DMXL2: variants seen among roughly 807,000 people sequenced by gnomAD.
DMXL2 encodes Dmx like 2.
A neutral mutation model predicts 331.1 loss-of-function variants in DMXL2; 103 were observed. The observed-to-expected ratio is 0.31, with a 90% CI of 0.27 to 0.37. The LOEUF is 0.37. Ranked by LOEUF, DMXL2 falls within the 10% of genes least tolerant of loss-of-function variation. The pLI, the probability that DMXL2 is intolerant of heterozygous loss-of-function variation, is 1.00. For missense variants in DMXL2, 3,171 were observed against 3,642.9 expected (o/e 0.87, Z 3.33); for synonymous variants, 1,281 against 1,252.1 (o/e 1.02, Z -0.49).
At chr15:51,553,009 T>C (rs2049316762) in intron 6 of DMXL2, among the ~76,000 whole-genome samples, 1 of 152,242 alleles carries the variant, frequency 6.6e-6, no homozygotes, top group African/African-American at 2.4e-5. Context: ...AACTTCACAG[T>C]TGTCTCCTTC....
chr15:51,513,628 G>A (rs148326969), intron 15 of DMXL2, among the ~76,000 whole-genome samples: 76 of 152,186 alleles, frequency 5.0e-4, no homozygotes, highest in Non-Finnish European at 9.7e-4. Flanking sequence ...ACATAATTTC[G>A]TGATGAAGAC....
intron 13 of DMXL2, 137 bp downstream of exon 13, chr15:51,535,526 G>A (rs1039578495): frequency 2.1e-5 from 14 of 679,216 alleles, no homozygotes; most frequent in African/African-American, 9.4e-5. Flanking sequence ...AAATAAATGT[G>A]TCATATATAT....
chr15:51,564,712 C>T (rs1034383733), intron 4 of DMXL2, among the ~76,000 whole-genome samples: 10 of 152,020 alleles, frequency 6.6e-5, no homozygotes, highest in African/African-American at 9.7e-5. Context: ...ATTAGAAATT[C>T]CTAATTTTTC....
Position 51,502,963 on chromosome 15 carries a change from A to T in DMXL2, c.2835T>A (p.Ser945=), listed in dbSNP as rs778624147. The change falls in exon 17 of 44, where the codon TCT becomes TCA. Residue 945 remains serine (S), a synonymous_variant. Transcript: ENST00000560891. ...SVPGQKNVDS[S]PETSPSVSPM... is the part of the protein sequence containing the mutation. ...GGCTCACACTAGGAGAGGTTTCTGG[A>T]GAAGAATCTACGTTCTTCTGTCCAG... 1 of 1,614,094 alleles carries T rather than the reference A, an allele frequency of 6.2e-7. No homozygotes were observed. Among genetic ancestry groups the T allele is most frequent in the Non-Finnish European group, 8.5e-7 (1 of 1,179,934 alleles).
rs374431723 is a variant in DMXL2 at position 51,517,070 on chromosome 15, G to T, written c.2526+8C>A. On this transcript the variant is annotated splice_region_variant and intron_variant, in intron 14 of 43. Coordinates refer to ENST00000560891, the MANE Select transcript of DMXL2 (RefSeq NM_001378457.1). ...ACGAATATCACCAATTCACAAGCAT[G>T]TTTTTACTTGGTTGGTTATTGCGTC... The T allele has an allele frequency of 9.4e-5, 151 of 1,610,472 alleles. No individual in the cohort carries two copies. The highest frequency in any genetic ancestry group is 1.2e-4 in the Admixed American group (7 of 59,988).
intron 4 of DMXL2, 55 bp from the exon 5 acceptor site, chr15:51,564,315 T>C: frequency 7.4e-7 from 1 of 1,353,468 alleles, no homozygotes; most frequent in Non-Finnish European, 9.9e-7. Flanking sequence ...GGGAAATAAA[T>C]GCACATGGGC....
At position 51,592,523 on chromosome 15, in the gene DMXL2, T is replaced by G. The variant is rs568982334; in HGVS notation, c.88-16342A>C. 1.2e-4 allele frequency among the ~76,000 whole-genome samples: 18 copies of G among 152,222 alleles called. No homozygotes were observed. In the South Asian group the frequency reaches 3.7e-3, roughly 32 times the overall value. Reference sequence around the variant, plus strand: ...ATATTATCCAGGAGAACTTCCCCAATCCAGCAAGGCAGGCCAACATTCAAA... The same window carrying G: ...ATATTATCCAGGAGAACTTCCCCAAGCCAGCAAGGCAGGCCAACATTCAAA... On this transcript the variant is annotated intron_variant, in intron 1 of 43. Transcript: ENST00000560891.
intron 4 of DMXL2, 50 bp downstream of exon 4, chr15:51,565,038 T>C (rs910969430): frequency 3.7e-6 from 4 of 1,093,842 alleles, no homozygotes; most frequent in African/African-American, 1.6e-5. Context: ...TTATCATACA[T>C]TTAAAACAAA....
intron 1 of DMXL2, among the ~76,000 whole-genome samples, chr15:51,607,284 G>T (rs1055945153): frequency 6.6e-6 from 1 of 150,444 alleles, no homozygotes; most frequent in Non-Finnish European, 1.5e-5. Flanking sequence ...GTGAAACCCC[G>T]TCTCTACTAA....
intron 24 of DMXL2, 67 bp downstream of exon 24, chr15:51,480,475 G>C: frequency 6.9e-7 from 1 of 1,457,730 alleles, no homozygotes; most frequent in East Asian, 2.3e-5. Context: ...GAGCTTTATA[G>C]CTATAACTGG....
At chr15:51,612,128 A>C (rs1345519919) in intron 1 of DMXL2, among the ~76,000 whole-genome samples, 2 of 152,218 alleles carry the variant, frequency 1.3e-5, no homozygotes, top group African/African-American at 4.8e-5. Context: ...GCAGGAACCA[A>C]TTCCAGACAC....
intron 15 of DMXL2, among the ~76,000 whole-genome samples, chr15:51,509,504 C>A (rs1243157730): frequency 6.6e-6 from 1 of 152,082 alleles, no homozygotes; most frequent in Non-Finnish European, 1.5e-5. Flanking sequence ...AAGACTAAAC[C>A]AGGAAAAAGT....
At chr15:51,517,210 A>C in intron 13 of DMXL2, 43 bp from the exon 14 acceptor site, 1 of 1,422,234 alleles carries the variant, frequency 7.0e-7, no homozygotes, top group Non-Finnish European at 9.9e-7. Flanking sequence ...AACAAATTAT[A>C]ATCTAATGTC....
chr15:51,621,226 C>T (rs1434444452), intron 1 of DMXL2, among the ~76,000 whole-genome samples: 7 of 152,156 alleles, frequency 4.6e-5, no homozygotes, highest in Non-Finnish European at 8.8e-5. Flanking sequence ...GTGGATTACA[C>T]TAAAAAATTA....
In DMXL2 at chr15:51,460,846, T is replaced by C. The variant is rs535341829; in HGVS notation, c.7927-1186A>G. Among the ~76,000 whole-genome samples, 31 of 152,312 alleles carry C rather than the reference T, an allele frequency of 2.0e-4. No homozygotes were observed. The East Asian group carries it at 5.6e-3, about 27-fold the overall frequency. On this transcript the variant is annotated intron_variant, in intron 33 of 43. Coordinates refer to ENST00000560891, the MANE Select transcript of DMXL2 (RefSeq NM_001378457.1). ...TTTTCTTAATAAAACACCTTTTTTT[T>C]CAGATCTGAGCTATTCAAAACAGCA...
At chr15:51,508,323 T>A (rs1284502549) in intron 15 of DMXL2, among the ~76,000 whole-genome samples, 1 of 152,106 alleles carries the variant, frequency 6.6e-6, no homozygotes, top group African/African-American at 2.4e-5. Flanking sequence ...ACTTAAAGTA[T>A]AATAATAATT....
rs1408876239 is a variant in DMXL2 at position 51,487,936 on chromosome 15, G to T, written c.5217+18C>A. On this transcript the variant is annotated intron_variant, in intron 22 of 43. Transcript: ENST00000560891. ...CAATCTTTTACAAGTATTATATAGTGTGTTTTCTTATTTATACCTCTATGG... is the reference window on the plus strand; with the variant it reads ...CAATCTTTTACAAGTATTATATAGTTTGTTTTCTTATTTATACCTCTATGG... 1 of 1,578,604 alleles carries T rather than the reference G, an allele frequency of 6.3e-7. No individual in the cohort carries two copies. The highest frequency in any genetic ancestry group is 8.6e-7 in the Non-Finnish European group (1 of 1,165,534).
In DMXL2 at chr15:51,500,151, G is replaced by A. The variant is rs765582627; in HGVS notation, c.3073C>T (p.Arg1025Cys). The A allele has an allele frequency of 6.2e-6, 10 of 1,613,894 alleles. No homozygotes were observed. Among genetic ancestry groups the A allele is most frequent in the Admixed American group, 1.7e-5 (1 of 59,996 alleles). Reference sequence around the variant, plus strand: ...GCTTCCATACAACATTTCCAGAAGCGTACTTTATTGTCAGAACAAGTTGTA... The same window carrying A: ...GCTTCCATACAACATTTCCAGAAGCATACTTTATTGTCAGAACAAGTTGTA... ...VVTTCSDNKV[R>C]FWKCCMEANP... is the part of the protein sequence containing the mutation. Residue 1025 changes from arginine to cysteine, a missense_variant, in exon 18 of 44, where the codon CGC (arginine) becomes TGC (cysteine). By Grantham distance (180) the Arg-to-Cys change is radical. Transcript: ENST00000560891.
At chr15:51,466,332 A>AT in intron 29 of DMXL2, 21 bp from the exon 30 acceptor site, 9 of 1,176,988 alleles carry the variant, frequency 7.6e-6, no homozygotes, top group South Asian at 2.4e-5. Flanking sequence ...AGGTAAAATT[A>AT]TTTTTTTAAA....
Sources: gnomAD v4.1 joint callset for allele counts (sites outside exome capture counted in the v4.1 genomes callset) on GRCh38, gnomAD v4.1.1 for gene constraint, MANE v1.5 for transcripts, NCBI Gene and HGNC (gene_info 2026-07-23, HGNC 2026-07-21) for gene names.